Variants in CCDC88C observed in about 807,000 individuals in gnomAD.
The protein encoded by CCDC88C is protein Daple.
In CCDC88C, 131 loss-of-function variants were observed where a neutral mutation model predicts 198.8. The ratio of observed to expected loss-of-function variants is 0.66; its 90% CI spans 0.57 to 0.76. The LOEUF (loss-of-function observed/expected upper bound fraction) is 0.76. Among genes scored for constraint, CCDC88C ranks in the 30% least tolerant of loss-of-function variants. The probability of loss-of-function intolerance (pLI) is 0.00; values close to 1 mark genes in which losing one functional copy is unlikely to be tolerated. For missense variants in CCDC88C, 2,553 were observed against 2,631.6 expected (o/e 0.97, Z 0.65); for synonymous variants, 1,166 against 1,114.7 (o/e 1.05, Z -0.92).
At chr14:91,315,994 C>A in intron 13 of CCDC88C, 5 of 540,594 alleles carry the variant, frequency 9.2e-6, no homozygotes, top group East Asian at 3.2e-5. Flanking sequence ...CCATCACCAT[C>A]CCCCCAGCGT....
chr14:91,395,911 C>A (rs143788606), intron 3 of CCDC88C, among the ~76,000 whole-genome samples: 8 of 152,216 alleles, frequency 5.3e-5, no homozygotes, highest in South Asian at 2.1e-4. Context: ...CTGCCTCCCC[C>A]CTAAATACCA....
intron 3 of CCDC88C, among the ~76,000 whole-genome samples, chr14:91,367,429 T>C (rs1016278239): frequency 6.6e-6 from 1 of 152,118 alleles, no homozygotes; most frequent in African/African-American, 2.4e-5. Context: ...GAAGCATGAG[T>C]GACGTCGGCT....
At chr14:91,291,658 T>C (rs1890666579) in intron 23 of CCDC88C, among the ~76,000 whole-genome samples, 1 of 152,126 alleles carries the variant, frequency 6.6e-6, no homozygotes, top group African/African-American at 2.4e-5. Flanking sequence ...TGAGCCCCTG[T>C]GCTGCCATCT....
At position 91,338,053 on chromosome 14, in the gene CCDC88C, G is replaced by A. The variant is rs758026194; in HGVS notation, c.1002C>T (p.Arg334=). The A allele has an allele frequency of 4.3e-6, 7 of 1,613,454 alleles. No homozygotes were observed. The East Asian group carries it at 1.3e-4, about 31-fold the overall frequency. ...CCACGTCGTGCAGCTTCTCCTTGCA[G>A]CGGGTCAGCTCCAGCTCCAGCCTCT... ...RVERLELELT[R]CKEKLHDVDF... The change falls in exon 10 of 30, where the codon CGC becomes CGT. Residue 334 remains arginine, a synonymous_variant. Transcript: ENST00000389857. This position sits in a 1 kb window ranked among gnomAD's most constrained non-coding sequence, Gnocchi z 4.8.
At chr14:91,291,133 C>T (rs868181544) in intron 23 of CCDC88C, 49 bp from the exon 24 acceptor site, 2 of 1,111,654 alleles carry the variant, frequency 1.8e-6, no homozygotes, top group Admixed American at 2.0e-5. Flanking sequence ...TTAAATCAAA[C>T]AAGTGAATTT....
In CCDC88C at chr14:91,272,677, G is replaced by A. The variant is rs771028975; in HGVS notation, c.6035C>T (p.Pro2012Leu). ...GSVSKSSPASPEPGGDPQTVW... is the reference protein window; with the variant it reads ...GSVSKSSPASLEPGGDPQTVW... Reference sequence around the variant, plus strand: ...GGTCTGCGGATCCCCGCCGGGCTCCGGGGAGGCCGGACTGCTCTTTGAGAC... The same window carrying A: ...GGTCTGCGGATCCCCGCCGGGCTCCAGGGAGGCCGGACTGCTCTTTGAGAC... The change falls in exon 30 of 30, where the codon CCG becomes CTG. Residue 2012 changes from proline to leucine, a missense_variant. Pro to Leu is a moderately conservative substitution (Grantham distance 98, BLOSUM62 -3). Transcript: ENST00000389857. The A allele has an allele frequency of 1.7e-5, 28 of 1,611,428 alleles. No individual in the cohort carries two copies. Among genetic ancestry groups the A allele is most frequent in the Middle Eastern group, 1.7e-4 (1 of 5,910 alleles).
At chr14:91,286,793 C>T (rs998486694) in intron 25 of CCDC88C, among the ~76,000 whole-genome samples, 3 of 152,196 alleles carry the variant, frequency 2.0e-5, no homozygotes, top group Admixed American at 1.3e-4. Flanking sequence ...CAGTTAAGAG[C>T]TCAGGCTCCG....
chr14:91,328,786 G>A (rs1293566697), intron 10 of CCDC88C, among the ~76,000 whole-genome samples: 1 of 152,126 alleles, frequency 6.6e-6, no homozygotes, highest in South Asian at 2.1e-4. Context: ...CTACAAACTC[G>A]CCAGCCGCCA....
intron 25 of CCDC88C, chr14:91,285,810 A>G (rs1890380445): frequency 7.8e-7 from 1 of 1,288,972 alleles, no homozygotes; most frequent in Non-Finnish European, 1.0e-6. Context: ...TTGCTTTTCA[A>G]AAAGGGACTC....
At chr14:91,297,599 C>G (rs1891066243) in intron 21 of CCDC88C, 108 bp from the exon 22 acceptor site, 1 of 1,163,042 alleles carries the variant, frequency 8.6e-7, no homozygotes, top group Non-Finnish European at 1.2e-6. Flanking sequence ...GGCTGTGCAA[C>G]CTTAGACAAA....
intron 2 of CCDC88C, among the ~76,000 whole-genome samples, chr14:91,411,416 G>A (rs1886780383): frequency 1.3e-5 from 2 of 152,134 alleles, no homozygotes; most frequent in South Asian, 2.1e-4. Context: ...AACGTGGACT[G>A]TACTTGCTTC....
Position 91,297,394 on chromosome 14 carries a change from G to C in CCDC88C, c.3877C>G (p.Leu1293Val). The change falls in exon 22 of 30, where the codon CTC (leucine) becomes GTC (valine). Residue 1293 changes from leucine (L) to valine (V), a missense_variant. Leu to Val is a conservative substitution (Grantham distance 32, BLOSUM62 1). Coordinates refer to ENST00000389857, the MANE Select transcript of CCDC88C (RefSeq NM_001080414.4). ...KTSLNNAQLE[L>V]NRWQARFDEL... ...TCGAAGCGGGCCTGCCAGCGGTTGA[G>C]CTCCAGCTGCGCGTTGTTCAGTGAG... 6.2e-7 allele frequency: 1 copy of C among 1,612,898 alleles called. No individual in the cohort carries two copies. Among genetic ancestry groups the C allele is most frequent in the African/African-American group, 1.3e-5 (1 of 75,040 alleles).
At position 91,339,373 on chromosome 14, in the gene CCDC88C, G is replaced by A; in HGVS notation, c.714C>T (p.Pro238=). 2 of 1,613,808 alleles carry A rather than the reference G, an allele frequency of 1.2e-6. No individual in the cohort carries two copies. Among genetic ancestry groups the A allele is most frequent in the South Asian group, 1.1e-5 (1 of 91,020 alleles). The change falls in exon 8 of 30, where the codon CCC becomes CCT. Residue 238 remains proline (P), a synonymous_variant. Coordinates refer to ENST00000389857, the MANE Select transcript of CCDC88C (RefSeq NM_001080414.4). The surrounding 1 kb of genome is among the most constrained non-coding windows in gnomAD (Gnocchi z 5.8). ...CGCTAGAGAGGCTGCTGGTGGGGCT[G>A]GGAGTGGAGTCGGCGCTGGAGGACT... ...PIKSSSADST[P]SPTSSLSSED... is the part of the protein sequence containing the mutation.
Position 91,313,729 on chromosome 14 carries a change from TC to T in CCDC88C, c.2086del (p.Glu696SerfsTer45). The T allele has an allele frequency of 6.2e-7, 1 of 1,609,754 alleles. No individual in the cohort carries two copies. The highest frequency in any genetic ancestry group is 8.5e-7 in the Non-Finnish European group (1 of 1,179,812). On this transcript the variant is annotated frameshift_variant, in exon 15 of 30. Transcript: ENST00000389857. LOFTEE classifies it high-confidence loss of function. The surrounding 1 kb of genome is among the most constrained non-coding windows in gnomAD (Gnocchi z 5.2). The part of the protein sequence containing the change: ...QNVSLQLEGL[E>X]RDNKQLDAEN... The stretch of plus-strand genomic sequence containing the variant: ...TGCGTCCAGCTGCTTGTTGTCACGC[TC>T]CAGGCCCTCAAGCTGCAGGGACACG...
At chr14:91,379,329 G>A (rs1884642938) in intron 3 of CCDC88C, 1 of 153,590 alleles carries the variant, frequency 6.5e-6, no homozygotes, top group Admixed American at 6.5e-5. Flanking sequence ...AGGGCAAGAA[G>A]CCACAGGGGG....
chr14:91,371,005 G>A lies in CCDC88C; in HGVS notation c.271-11294C>T, dbSNP rs1894770698. On this transcript the variant is annotated intron_variant, in intron 3 of 29. Transcript: ENST00000389857. This position sits in a 1 kb window ranked among gnomAD's most constrained non-coding sequence, Gnocchi z 4.2. ...CTGAGTGCATGCCATGCCCTGAGGT[G>A]TGTGTTTGGGGTGAGGCAGAAGGAC... 6.6e-6 allele frequency among the ~76,000 whole-genome samples: 1 copy of A among 152,182 alleles called. No homozygotes were observed. The highest frequency in any genetic ancestry group is 1.5e-5 in the Non-Finnish European group (1 of 68,036).
Position 91,400,249 on chromosome 14 carries a change from G to A in CCDC88C, c.270+8410C>T, listed in dbSNP as rs554217907. Among the ~76,000 whole-genome samples, 8 of 152,198 alleles carry A rather than the reference G, an allele frequency of 5.3e-5. No individual in the cohort carries two copies. In the South Asian group the frequency reaches 1.5e-3, roughly 28 times the overall value. ...ACCTGTCAAGTCCCACCCACCTGGG[G>A]GCCACCAGAGCTTCCACATCCTGCA... On this transcript the variant is annotated intron_variant, in intron 3 of 29. Coordinates refer to ENST00000389857, the MANE Select transcript of CCDC88C (RefSeq NM_001080414.4).
chr14:91,377,870 G>C (rs1884536882), intron 3 of CCDC88C, among the ~76,000 whole-genome samples: 1 of 151,882 alleles, frequency 6.6e-6, no homozygotes, highest in Non-Finnish European at 1.5e-5. Flanking sequence ...GAAGGAGGAA[G>C]GGGGAAGGGA....
At chr14:91,293,567 G>GCCCACCTTCCCATCCTCACCTGCCACA (rs1567055921) in intron 23 of CCDC88C, among the ~76,000 whole-genome samples, 1 of 16,136 alleles carries the variant, frequency 6.2e-5, no homozygotes, top group Non-Finnish European at 1.2e-4. Context: ...CGCCTGCCAC[G>GCCCACCTTCCCATCCTCACCTGCCACA]GCCCACCTTC....
Sources: allele counts gnomAD v4.1 joint callset (sites outside exome capture counted in the v4.1 genomes callset), GRCh38; gene constraint gnomAD v4.1.1; non-coding constraint Gnocchi (gnomAD v3.1); transcripts MANE v1.5; gene names NCBI Gene and HGNC (gene_info 2026-07-23, HGNC 2026-07-21).